The following TLL1 variants were observed in gnomAD, a reference collection of about 807,000 sequenced individuals.
TLL1 encodes tolloid-like protein 1.
Under a neutral mutation model 128.2 loss-of-function variants are expected in TLL1, and 49 were observed. That is an observed-to-expected ratio of 0.38 (90% CI 0.30 to 0.48). The LOEUF (loss-of-function observed/expected upper bound fraction) is 0.48, where lower values mean the gene tolerates loss of function less well. TLL1 is among the 20% of genes least tolerant of loss of function. The pLI is 0.96. For missense variants in TLL1, 1,123 were observed against 1,242.0 expected, an observed-to-expected ratio of 0.90 and a Z score of 1.44; for synonymous variants, 454 against 418.8, an observed-to-expected ratio of 1.08 and a Z score of -1.03.
At position 165,977,223 on chromosome 4, in the gene TLL1, G is replaced by A. The variant is rs942770598; in HGVS notation, c.170-12158G>A. ...CACATGTCGAGGGCAGAACCTGGTG[G>A]GAGGTGATTGGATCATGGGGGGCAG... On this transcript the variant is annotated intron_variant, in intron 1 of 20. Transcript: ENST00000061240. 3.3e-5 allele frequency among the ~76,000 whole-genome samples: 5 copies of A among 152,260 alleles called. No homozygotes were observed. The East Asian group carries it at 9.7e-4, about 29-fold the overall frequency.
intron 1 of TLL1, among the ~76,000 whole-genome samples, chr4:165,977,382 C>T (rs903004178): frequency 6.6e-6 from 1 of 152,188 alleles, no homozygotes; most frequent in African/African-American, 2.4e-5. Context: ...GTAAGATGTG[C>T]TTGCTTTCCC....
chr4:165,877,438 C>T (rs1371236816), intron 1 of TLL1, among the ~76,000 whole-genome samples: 2 of 152,210 alleles, frequency 1.3e-5, no homozygotes, highest in Non-Finnish European at 1.5e-5. Context: ...TCTGAATATA[C>T]AATCAGGTTT....
chr4:166,046,617 C>G (rs1265021218), intron 12 of TLL1, among the ~76,000 whole-genome samples: 1 of 152,188 alleles, frequency 6.6e-6, no homozygotes, highest in South Asian at 2.1e-4. Flanking sequence ...TTTTGAGTCA[C>G]CTAATGTGCC....
chr4:166,054,752 G>T (rs1244280231), intron 12 of TLL1, among the ~76,000 whole-genome samples: 2 of 151,696 alleles, frequency 1.3e-5, no homozygotes, highest in Non-Finnish European at 2.9e-5. Context: ...TTTTAATTTT[G>T]GATTTTTTTC....
intron 1 of TLL1, among the ~76,000 whole-genome samples, chr4:165,977,132 T>C (rs1214263506): frequency 6.6e-6 from 1 of 152,136 alleles, no homozygotes; most frequent in Non-Finnish European, 1.5e-5. Flanking sequence ...TTAGGAAATA[T>C]AGGCGATATG....
At chr4:165,903,974 C>T (rs1393696308) in intron 1 of TLL1, among the ~76,000 whole-genome samples, 2 of 151,958 alleles carry the variant, frequency 1.3e-5, no homozygotes, top group African/African-American at 2.4e-5. Context: ...GAAAAAATCT[C>T]ATTTAGTCTT....
intron 18 of TLL1, among the ~76,000 whole-genome samples, chr4:166,089,519 C>A (rs992324291): frequency 6.6e-6 from 1 of 152,114 alleles, no homozygotes; most frequent in Non-Finnish European, 1.5e-5. Context: ...CACTGGGTTA[C>A]AGAGATTAAC....
In TLL1 at chr4:166,100,870, A is replaced by G. The variant is rs770760752; in HGVS notation, c.3036A>G (p.Lys1012=). Residue 1012 remains lysine, a synonymous_variant, in exon 21 of 21, where the codon AAA becomes AAG. Coordinates refer to ENST00000061240, the MANE Select transcript of TLL1 (RefSeq NM_012464.5). ...SIRYPDTTHT[K]K is the part of the protein sequence containing the mutation. ...GATATCCAGATACCACACATACCAA[A>G]AAATAACACCAAAACCTCTGTCAGA... The G allele has an allele frequency of 6.2e-7, 1 of 1,612,474 alleles. No homozygotes were observed. Among genetic ancestry groups the G allele is most frequent in the African/African-American group, 1.3e-5 (1 of 74,850 alleles).
intron 16 of TLL1, among the ~76,000 whole-genome samples, chr4:166,074,645 A>G (rs1433075274): frequency 6.6e-6 from 1 of 152,168 alleles, no homozygotes; most frequent in Non-Finnish European, 1.5e-5. Flanking sequence ...ATTACAAGTT[A>G]TTATCGTAGC....
chr4:166,007,405 TA>T (rs1475557936), intron 6 of TLL1, among the ~76,000 whole-genome samples: 1 of 151,698 alleles, frequency 6.6e-6, no homozygotes, highest in Non-Finnish European at 1.5e-5. Context: ...TAAATGAAAG[TA>T]GAGAATTTGC....
chr4:165,927,348 T>C (rs1733321590), intron 1 of TLL1, among the ~76,000 whole-genome samples: 1 of 152,220 alleles, frequency 6.6e-6, no homozygotes, highest in Non-Finnish European at 1.5e-5. Flanking sequence ...AAAGTAAAAA[T>C]TATTAAGATT....
rs774142959 is a variant in TLL1, at chr4:166,055,305, C to T, written c.1720+34C>T. ...AAATAATTTTCAAACGTGAGATTTT[C>T]TTTATCAAGGATACTTGTAGTGTTT... On this transcript the variant is annotated intron_variant, in intron 13 of 20. Coordinates refer to ENST00000061240, the MANE Select transcript of TLL1 (RefSeq NM_012464.5). 3.8e-6 allele frequency: 6 copies of T among 1,584,318 alleles called. No individual in the cohort carries two copies. In the African/African-American group the frequency reaches 8.1e-5, roughly 21 times the overall value.
chr4:165,973,663 CTT>C (rs1163022177), intron 1 of TLL1, among the ~76,000 whole-genome samples: 1 of 143,310 alleles, frequency 7.0e-6, no homozygotes, highest in Admixed American at 7.0e-5. Flanking sequence ...AGCATTAGTT[CTT>C]TTTTTTTTTT....
chr4:165,989,056 C>T (rs536923367), intron 1 of TLL1, among the ~76,000 whole-genome samples: 1 of 152,156 alleles, frequency 6.6e-6, no homozygotes, highest in Admixed American at 6.5e-5. Context: ...CATTCTTATC[C>T]GATTTTCAGA....
chr4:165,887,339 C>T (rs1020328609), intron 1 of TLL1, among the ~76,000 whole-genome samples: 3 of 152,062 alleles, frequency 2.0e-5, no homozygotes, highest in South Asian at 2.1e-4. Context: ...GCATTTGCAC[C>T]GTGTCAGTAG....
At chr4:166,031,554 G>A (rs1327426279) in intron 9 of TLL1, among the ~76,000 whole-genome samples, 1 of 151,900 alleles carries the variant, frequency 6.6e-6, no homozygotes, top group South Asian at 2.1e-4. Context: ...TTTTAGTAGG[G>A]ACAGGGTTTC....
chr4:165,909,952 A>G (rs768103412), intron 1 of TLL1, among the ~76,000 whole-genome samples: 2 of 152,180 alleles, frequency 1.3e-5, no homozygotes, highest in Non-Finnish European at 2.9e-5. Flanking sequence ...ATAAATTTCT[A>G]GAATGATATA....
chr4:165,896,072 A>G (rs1731661768), intron 1 of TLL1, among the ~76,000 whole-genome samples: 1 of 151,992 alleles, frequency 6.6e-6, no homozygotes. Flanking sequence ...TCCGAATGCT[A>G]TCCCTCCTCT....
intron 13 of TLL1, among the ~76,000 whole-genome samples, chr4:166,055,846 A>G (rs1739979854): frequency 6.6e-6 from 1 of 152,116 alleles, no homozygotes; most frequent in South Asian, 2.1e-4. Context: ...ATTTTGGTGA[A>G]AATATTAACA....
Sources: allele counts gnomAD v4.1 joint callset (sites outside exome capture counted in the v4.1 genomes callset), GRCh38; gene constraint gnomAD v4.1.1; transcripts MANE v1.5; gene names NCBI Gene and HGNC (gene_info 2026-07-23, HGNC 2026-07-21).